The following CXCL13 variants were observed in gnomAD, a reference collection of about 807,000 sequenced individuals.
CXCL13 encodes the protein C-X-C motif chemokine ligand 13.
In CXCL13, 7 loss-of-function variants were observed where a neutral mutation model predicts 12.2. That is an observed-to-expected ratio of 0.57 (90% CI 0.33 to 1.07). CXCL13 has a LOEUF of 1.07. CXCL13 is among the 50% of genes least tolerant of loss of function. CXCL13 has a pLI of 0.04. For missense variants in CXCL13, 113 were observed against 127.4 expected (o/e 0.89, Z 0.55); for synonymous variants, 47 against 42.4 (o/e 1.11, Z -0.42).
chr4:77,542,473 G>A (rs1210697958), intron 1 of CXCL13, among the ~76,000 whole-genome samples: 1 of 152,072 alleles, frequency 6.6e-6, no homozygotes, highest in Non-Finnish European at 1.5e-5. Context: ...TGAGTGCAAG[G>A]TGTCTTAGTC....
intron 1 of CXCL13, among the ~76,000 whole-genome samples, chr4:77,565,367 G>C (rs949719581): frequency 2.0e-5 from 3 of 152,128 alleles, no homozygotes; most frequent in Non-Finnish European, 2.9e-5. Flanking sequence ...TTCAACCTGG[G>C]TCAGTGAAGA....
rs980991903 is a variant in CXCL13, at chr4:77,579,103, C to A, written c.-42-26721C>A. Among the ~76,000 whole-genome samples, 7 of 152,344 alleles carry A rather than the reference C, an allele frequency of 4.6e-5. No individual in the cohort carries two copies. The South Asian group carries it at 1.4e-3, about 32-fold the overall frequency. On this transcript the variant is annotated intron_variant, in intron 1 of 4. Transcript: ENST00000286758. ...ATGGCAGAGCAGTGAGGCCATAGGG[C>A]CTTGAGTGCCTGGATTGTGGAGAAG...
intron 1 of CXCL13, among the ~76,000 whole-genome samples, chr4:77,535,097 T>C (rs753069039): frequency 2.0e-5 from 3 of 152,238 alleles, no homozygotes; most frequent in Non-Finnish European, 4.4e-5. Flanking sequence ...CACAATGTCC[T>C]CTTCCACAAA....
chr4:77,521,377 A>T (rs1724593357), intron 1 of CXCL13, among the ~76,000 whole-genome samples: 1 of 152,180 alleles, frequency 6.6e-6, no homozygotes, highest in South Asian at 2.1e-4. Context: ...GCTATTAATT[A>T]TTGCCTCAAT....
intron 1 of CXCL13, among the ~76,000 whole-genome samples, chr4:77,521,552 C>T (rs991256083): frequency 4.6e-5 from 7 of 152,100 alleles, no homozygotes; most frequent in Non-Finnish European, 7.4e-5. Flanking sequence ...TCTGTGGGAT[C>T]GGTGGTGATA....
intron 1 of CXCL13, among the ~76,000 whole-genome samples, chr4:77,530,751 G>T (rs1226879591): frequency 6.6e-6 from 1 of 151,988 alleles, no homozygotes; most frequent in African/African-American, 2.4e-5. Flanking sequence ...ATTTTTTGAA[G>T]GGTTTTTTGT....
chr4:77,564,234 C>T (rs1306322685), intron 1 of CXCL13, among the ~76,000 whole-genome samples: 1 of 152,158 alleles, frequency 6.6e-6, no homozygotes, highest in Non-Finnish European at 1.5e-5. Context: ...CCAACAAAAG[C>T]TGGAGTTTCT....
At chr4:77,605,163 T>C (rs1726972604), upstream of CXCL13, among the ~76,000 whole-genome samples, 1 of 152,184 alleles carries the variant, frequency 6.6e-6, no homozygotes, top group Non-Finnish European at 1.5e-5. Flanking sequence ...TCCTCAAGGC[T>C]GTTGTCTCCC....
chr4:77,604,714 C>G (rs1001684722), upstream of CXCL13, among the ~76,000 whole-genome samples: 3 of 152,128 alleles, frequency 2.0e-5, no homozygotes, highest in Non-Finnish European at 4.4e-5. Context: ...GGTTGTGTGG[C>G]ATTACCACTC....
chr4:77,543,438 G>T (rs1300495614), intron 1 of CXCL13, among the ~76,000 whole-genome samples: 1 of 151,992 alleles, frequency 6.6e-6, no homozygotes, highest in African/African-American at 2.4e-5. Context: ...TTCTTATAGT[G>T]TGCTGTTAGA....
chr4:77,593,145 C>G (rs753284685), intron 1 of CXCL13, among the ~76,000 whole-genome samples: 1 of 152,114 alleles, frequency 6.6e-6, no homozygotes. Flanking sequence ...CCCACACCAA[C>G]AAGGTAAGAA....
At chr4:77,521,186 G>T (rs530148820) in intron 1 of CXCL13, among the ~76,000 whole-genome samples, 1 of 152,034 alleles carries the variant, frequency 6.6e-6, no homozygotes, top group African/African-American at 2.4e-5. Flanking sequence ...CTCTTTTTTT[G>T]TTGTGTCTCT....
chr4:77,583,479 G>A (rs575152580), intron 1 of CXCL13, among the ~76,000 whole-genome samples: 6 of 152,294 alleles, frequency 3.9e-5, no homozygotes, highest in African/African-American at 1.4e-4. Flanking sequence ...GTAAGGGTTG[G>A]AGAACAATTT....
At chr4:77,523,329 A>G (rs560296437) in intron 1 of CXCL13, among the ~76,000 whole-genome samples, 2 of 152,278 alleles carry the variant, frequency 1.3e-5, no homozygotes, top group South Asian at 2.1e-4. Context: ...CATTCTCCCG[A>G]TCACTTTCAG....
intron 1 of CXCL13, among the ~76,000 whole-genome samples, chr4:77,535,959 T>C (rs1439333102): frequency 6.6e-6 from 1 of 152,172 alleles, no homozygotes; most frequent in East Asian, 1.9e-4. Flanking sequence ...TATTATTTTA[T>C]ACCACTAAAT....
chr4:77,516,311 T>C (rs1724418495), intron 1 of CXCL13, among the ~76,000 whole-genome samples: 1 of 152,248 alleles, frequency 6.6e-6, no homozygotes, highest in Non-Finnish European at 1.5e-5. Flanking sequence ...GTCAGGATGA[T>C]GCTGGCCTCA....
chr4:77,544,754 G>A (rs1477007409), intron 1 of CXCL13, among the ~76,000 whole-genome samples: 1 of 152,174 alleles, frequency 6.6e-6, no homozygotes, highest in Non-Finnish European at 1.5e-5. Context: ...AGTTTAATTA[G>A]ATCTCATTTG....
At chr4:77,601,253 AG>A (rs1726875659), upstream of CXCL13, among the ~76,000 whole-genome samples, 1 of 152,228 alleles carries the variant, frequency 6.6e-6, no homozygotes, top group Non-Finnish European at 1.5e-5. Context: ...GGCAAAAAAT[AG>A]GCTGTTGAAA....
intron 1 of CXCL13, among the ~76,000 whole-genome samples, chr4:77,598,098 C>T (rs1052683840): frequency 2.6e-5 from 4 of 152,302 alleles, no homozygotes; most frequent in South Asian, 2.1e-4. Context: ...GTCATGTGGA[C>T]ACTGCGGGAG....
Sources: gnomAD v4.1 joint callset for allele counts (sites outside exome capture counted in the v4.1 genomes callset) on GRCh38, gnomAD v4.1.1 for gene constraint, MANE v1.5 for transcripts, NCBI Gene and HGNC (gene_info 2026-07-23, HGNC 2026-07-21) for gene names.